LRRC37A2: variants seen among roughly 807,000 people sequenced by gnomAD.
LRRC37A2 encodes leucine-rich repeat-containing protein 37A2.
Under a neutral mutation model 68.8 loss-of-function variants are expected in LRRC37A2, and 9 were observed. The observed-to-expected ratio is 0.13, with a 90% CI of 0.08 to 0.23. The LOEUF (loss-of-function observed/expected upper bound fraction) is 0.23, where lower values mean the gene tolerates loss of function less well. Ranked by LOEUF, LRRC37A2 falls within the 10% of genes least tolerant of loss-of-function variation. The pLI, the probability that LRRC37A2 is intolerant of heterozygous loss-of-function variation, is 1.00. For synonymous variants in LRRC37A2, 63 were observed against 367.6 expected, an observed-to-expected ratio of 0.17 and a Z score of 9.48; for missense variants, 168 against 950.4, an observed-to-expected ratio of 0.18 and a Z score of 10.82.
the LRRC37A2 span, among the ~76,000 whole-genome samples, chr17:46,866,486 G>T: frequency 6.6e-6 from 1 of 152,196 alleles, no homozygotes; most frequent in Non-Finnish European, 1.5e-5. Context: ...GTGTATTTGT[G>T]TGTGTAGGGG....
chr17:46,911,439 C>T, the LRRC37A2 span: 12 of 152,250 alleles, frequency 7.9e-5, no homozygotes, highest in African/African-American at 2.9e-4. Context: ...CACTTCAATA[C>T]TGACCTGGTG....
chr17:46,740,506 A>G, the LRRC37A2 span, among the ~76,000 whole-genome samples: 1 of 152,196 alleles, frequency 6.6e-6, no homozygotes, highest in Non-Finnish European at 1.5e-5. Flanking sequence ...TGAGATAGGT[A>G]GGGAAAATCT....
the LRRC37A2 span, among the ~76,000 whole-genome samples, chr17:46,806,351 A>ACTGTAATCCCAGT: frequency 6.6e-6 from 1 of 151,074 alleles, no homozygotes; most frequent in Admixed American, 6.6e-5. Context: ...CTGGGATTAC[A>ACTGTAATCCCAGT]GGCACGTGCC....
At chr17:47,000,365 G>T in the LRRC37A2 span, among the ~76,000 whole-genome samples, 2 of 151,632 alleles carry the variant, frequency 1.3e-5, no homozygotes, top group African/African-American at 4.9e-5. Context: ...CTCCCAAGTA[G>T]CTGGGGTTAC....
chr17:46,884,045 G>A, the LRRC37A2 span, among the ~76,000 whole-genome samples: 6 of 152,046 alleles, frequency 3.9e-5, no homozygotes, highest in South Asian at 2.1e-4. Flanking sequence ...GGTGGAGGCC[G>A]GGCAGAGGCA....
the LRRC37A2 span, among the ~76,000 whole-genome samples, chr17:46,841,903 G>C: frequency 2.0e-5 from 3 of 152,244 alleles, no homozygotes. Flanking sequence ...GTGTGTGGGG[G>C]GGTCTCTGGT....
chr17:46,949,742 A>G, the LRRC37A2 span, among the ~76,000 whole-genome samples: 9 of 152,348 alleles, frequency 5.9e-5, no homozygotes, highest in African/African-American at 1.7e-4. Context: ...GCTGAATCTC[A>G]GATGAGTCAG....
chr17:46,904,446 CTGGATGGATGGA>C, the LRRC37A2 span, among the ~76,000 whole-genome samples: 987 of 136,990 alleles, frequency 7.2e-3, 8 homozygotes, highest in East Asian at 0.029. Flanking sequence ...GGCTGGCTGA[CTGGATGGATGGA>C]TGGATGGATG....
chr17:46,772,512 C>T, the LRRC37A2 span, among the ~76,000 whole-genome samples: 13 of 152,240 alleles, frequency 8.5e-5, no homozygotes, highest in Non-Finnish European at 1.9e-4. Context: ...GAGACCAACA[C>T]ACCGACAAGA....
the LRRC37A2 span, among the ~76,000 whole-genome samples, chr17:47,024,492 TGTG>T: frequency 2.0e-5 from 3 of 152,008 alleles, no homozygotes; most frequent in Non-Finnish European, 4.4e-5. Context: ...TGTGTGTGTT[TGTG>T]GTGGTGGTGG....
chr17:46,791,860 C>T, the LRRC37A2 span, among the ~76,000 whole-genome samples: 7 of 152,084 alleles, frequency 4.6e-5, no homozygotes, highest in African/African-American at 1.7e-4. Context: ...GGCAACACAG[C>T]GAGACGCTGT....
the LRRC37A2 span, among the ~76,000 whole-genome samples, chr17:46,455,743 A>G: frequency 1.4e-4 from 21 of 149,478 alleles, no homozygotes; most frequent in East Asian, 5.8e-4. Context: ...CTGATAATCT[A>G]TTATTTCACA....
the LRRC37A2 span, among the ~76,000 whole-genome samples, chr17:46,615,594 G>GT: frequency 2.9e-4 from 3 of 10,328 alleles, no homozygotes; most frequent in Non-Finnish European, 4.4e-4. Flanking sequence ...GTGCTTGCCT[G>GT]TAGCCTCAGC....
At chr17:46,735,880 G>C in the LRRC37A2 span, among the ~76,000 whole-genome samples, 1 of 152,198 alleles carries the variant, frequency 6.6e-6, no homozygotes, top group Non-Finnish European at 1.5e-5. Flanking sequence ...AGGAGGCGGA[G>C]TTTGCAGTGA....
At chr17:46,943,241 CAGA>C in the LRRC37A2 span, among the ~76,000 whole-genome samples, 1 of 152,196 alleles carries the variant, frequency 6.6e-6, no homozygotes, top group East Asian at 1.9e-4. Context: ...CCCTCTGGAT[CAGA>C]AGGAGCCAGA....
At chr17:46,916,494 T>C in the LRRC37A2 span, among the ~76,000 whole-genome samples, 1 of 152,368 alleles carries the variant, frequency 6.6e-6, no homozygotes, top group African/African-American at 2.4e-5. Context: ...TGATATATTG[T>C]TGTAAACATA....
chr17:46,907,700 A>G, the LRRC37A2 span, among the ~76,000 whole-genome samples: 1 of 149,472 alleles, frequency 6.7e-6, no homozygotes, highest in African/African-American at 2.5e-5. Flanking sequence ...AAAAAACCCA[A>G]AATTAAGTAG....
the LRRC37A2 span, among the ~76,000 whole-genome samples, chr17:46,812,637 A>G: frequency 6.6e-6 from 1 of 152,142 alleles, no homozygotes; most frequent in African/African-American, 2.4e-5. Context: ...GAGCAGGTAA[A>G]GAGCTGAAGT....
the LRRC37A2 span, among the ~76,000 whole-genome samples, chr17:46,933,784 G>A: frequency 6.6e-6 from 1 of 151,954 alleles, no homozygotes; most frequent in South Asian, 2.1e-4. Context: ...GTGACATGGT[G>A]AGACATTGTC....
Sources: allele counts gnomAD v4.1 joint callset (sites outside exome capture counted in the v4.1 genomes callset), GRCh38; gene constraint gnomAD v4.1.1; transcripts MANE v1.5; gene names NCBI Gene and HGNC (gene_info 2026-07-23, HGNC 2026-07-21).